Variants in PIK3C3 observed in about 807,000 individuals in gnomAD.
PIK3C3 encodes the protein phosphatidylinositol 3-kinase catalytic subunit type 3, also known as PI3-kinase type 3.
Under a neutral mutation model 126.1 loss-of-function variants are expected in PIK3C3, and 95 were observed. That is an observed-to-expected ratio of 0.75 (90% confidence interval 0.64 to 0.89). The LOEUF is 0.89. Ranked by LOEUF, PIK3C3 falls within the 40% of genes least tolerant of loss-of-function variation. PIK3C3 has a pLI of 0.00. For synonymous variants in PIK3C3, 374 were observed against 360.0 expected, an observed-to-expected ratio of 1.04 and a Z score of -0.44; for missense variants, 829 against 1,063.2, an observed-to-expected ratio of 0.78 and a Z score of 3.06.
At chr18:42,044,371 A>ATT (rs34725564) in intron 20 of PIK3C3, among the ~76,000 whole-genome samples, 38 of 149,618 alleles carry the variant, frequency 2.5e-4, no homozygotes, top group African/African-American at 6.4e-4. Context: ...ATTCTACAGG[A>ATT]TTTTTTTTTT....
At chr18:41,993,583 A>G (rs1389215266) in intron 7 of PIK3C3, among the ~76,000 whole-genome samples, 1 of 152,090 alleles carries the variant, frequency 6.6e-6, no homozygotes, top group East Asian at 1.9e-4. Flanking sequence ...TGAATTGCTG[A>G]AAGAGCTAGG....
chr18:42,045,063 A>C (rs889212842), intron 20 of PIK3C3, among the ~76,000 whole-genome samples: 5 of 152,274 alleles, frequency 3.3e-5, no homozygotes, highest in African/African-American at 1.2e-4. Context: ...TTTATTCGTG[A>C]TGATACATTT....
chr18:42,044,782 A>G (rs181910747), intron 20 of PIK3C3, among the ~76,000 whole-genome samples: 21 of 152,216 alleles, frequency 1.4e-4, no homozygotes, highest in African/African-American at 5.1e-4. Context: ...TTGGTAAAGG[A>G]GTTGACACTA....
At position 42,033,901 on chromosome 18, in the gene PIK3C3, T is replaced by G. The variant is rs764951619; in HGVS notation, c.1783T>G (p.Leu595Val). The G allele has an allele frequency of 1.9e-6, 3 of 1,607,752 alleles. No individual in the cohort carries two copies. The Admixed American group carries it at 5.1e-5, about 27-fold the overall frequency. ...AGATGTGGAACTTATCCCGTTGCCT[T>G]TAGAACCCCAAGTGAAAATTAGAGG... is the stretch of plus-strand genomic sequence containing the variant. ...LSDVELIPLP[L>V]EPQVKIRGII... is the part of the protein sequence containing the mutation. Residue 595 changes from leucine (L) to valine (V), a missense_variant, in exon 16 of 25, where the codon TTA (leucine) becomes GTA (valine). By Grantham distance (32) the Leu-to-Val change is conservative. This residue lies in a region of PIK3C3 where 256 missense variants were observed against 291.0 expected (regional missense o/e 0.88). Coordinates refer to ENST00000262039, the MANE Select transcript of PIK3C3 (RefSeq NM_002647.4).
In PIK3C3 at chr18:41,955,319, A is replaced by G. The variant is rs1979707473; in HGVS notation, c.28A>G (p.Ile10Val). The change falls in exon 1 of 25, where the codon ATC (isoleucine) becomes GTC (valine). Residue 10 changes from isoleucine (I) to valine (V), a missense_variant. Transcript: ENST00000262039. Reference protein sequence around the residue: MGEAEKFHYIYSCDLDINVQ... With the variant: MGEAEKFHYVYSCDLDINVQ... ...GGGGGAAGCAGAGAAGTTTCACTAC[A>G]TCTATAGTTGTGACCTGGATATCAA... 6.2e-7 allele frequency: 1 copy of G among 1,613,690 alleles called. No individual in the cohort carries two copies. Among genetic ancestry groups the G allele is most frequent in the Non-Finnish European group, 8.5e-7 (1 of 1,179,788 alleles).
rs151322458 is a variant in PIK3C3, at chr18:42,085,242, C to A, written c.*4105C>A. The A allele has an allele frequency of 2.0e-5, 3 of 152,098 alleles. No individual in the cohort carries two copies. The highest frequency in any genetic ancestry group is 2.9e-5 in the Non-Finnish European group (2 of 67,980). The allele number at this position is 152,098 out of a possible 1,614,324, so 9.4% of individuals were successfully genotyped here. On this transcript the variant is annotated 3_prime_UTR_variant, in exon 25 of 25. Transcript: ENST00000262039. Reference sequence around the variant, plus strand: ...ATTGCATTTCAACACTAGTTTTTTACTTTTATCTACCCTGAGGGTAGATAA... The same window carrying A: ...ATTGCATTTCAACACTAGTTTTTTAATTTTATCTACCCTGAGGGTAGATAA...
chr18:42,005,221 A>G (rs1982486240), intron 10 of PIK3C3, among the ~76,000 whole-genome samples: 2 of 152,154 alleles, frequency 1.3e-5, no homozygotes, highest in Non-Finnish European at 1.5e-5. Context: ...GGTAAAGCCT[A>G]CTACACACTG....
At chr18:42,000,653 A>T (rs1196316620) in intron 9 of PIK3C3, among the ~76,000 whole-genome samples, 2 of 152,106 alleles carry the variant, frequency 1.3e-5, no homozygotes. Flanking sequence ...AAAGAATTTT[A>T]ATGGACTTAC....
intron 23 of PIK3C3, 36 bp downstream of exon 23, chr18:42,064,866 G>C: frequency 8.8e-7 from 1 of 1,134,086 alleles, no homozygotes; most frequent in African/African-American, 1.5e-5. Flanking sequence ...GAGCTCTTCT[G>C]TATAATTTTT....
Position 42,054,929 on chromosome 18 carries a change from C to CT in PIK3C3, c.2264-2943dup, listed in dbSNP as rs376503442. Among the ~76,000 whole-genome samples the CT allele has an allele frequency of 9.5e-3, 1,385 of 145,946 alleles. 16 individuals are homozygous for CT. The highest frequency in any genetic ancestry group is 0.043 in the East Asian group (215 of 5,038). On this transcript the variant is annotated intron_variant, in intron 21 of 24. Transcript: ENST00000262039. ...TTTACCACCATGAGATGAATAATGC[C>CT]TTTTTTTTTTTAAACTTATGTAGTT...
rs1372784781 is a variant in PIK3C3, at chr18:42,087,087, A to T, written c.*5950A>T. ...CTTTCAGCCCTTTTGAAGTGGGTACATTGTCTGGAGTACATACCCTGGGGT... is the reference window on the plus strand; with the variant it reads ...CTTTCAGCCCTTTTGAAGTGGGTACTTTGTCTGGAGTACATACCCTGGGGT... On this transcript the variant is annotated 3_prime_UTR_variant, in exon 25 of 25. Transcript: ENST00000262039. 1.3e-5 allele frequency: 2 copies of T among 152,132 alleles called. No homozygotes were observed. The highest frequency in any genetic ancestry group is 2.9e-5 in the Non-Finnish European group (2 of 68,056). The allele number at this position is 152,132 out of a possible 1,614,324, so 9.4% of individuals were successfully genotyped here. A position where few individuals can be genotyped will look rare whatever the true frequency, so the allele number is the denominator to read the frequency against.
chr18:42,085,597 T>G lies in PIK3C3; in HGVS notation c.*4460T>G, dbSNP rs1259999458. On this transcript the variant is annotated 3_prime_UTR_variant, in exon 25 of 25. Coordinates refer to ENST00000262039, the MANE Select transcript of PIK3C3 (RefSeq NM_002647.4). ...GCATAGTGTAACTTTGGGATGAATT[T>G]AAAAGAATATTTAAGTCACAGTCAA... 6.6e-6 allele frequency: 1 copy of G among 152,198 alleles called. No individual in the cohort carries two copies. The highest frequency in any genetic ancestry group is 1.5e-5 in the Non-Finnish European group (1 of 68,030). 9.4% of individuals were successfully genotyped at this position (152,198 alleles called of 1,614,324 possible).
Position 42,043,161 on chromosome 18 carries a change from C to T in PIK3C3, c.2104-572C>T, listed in dbSNP as rs144590521. ...GTCGCCAGGCTGGAGTGCAGTGGTG[C>T]GATCTCGGCTCACTGCAACCTGTAC... is the stretch of plus-strand genomic sequence containing the variant. On this transcript the variant is annotated intron_variant, in intron 19 of 24. Transcript: ENST00000262039. Among the ~76,000 whole-genome samples the T allele has an allele frequency of 1.0e-4, 15 of 150,110 alleles. No homozygotes were observed. The East Asian group carries it at 1.8e-3, about 18-fold the overall frequency.
At chr18:42,006,945 G>A (rs576773587) in intron 10 of PIK3C3, among the ~76,000 whole-genome samples, 72 of 141,018 alleles carry the variant, frequency 5.1e-4, no homozygotes, top group Non-Finnish European at 7.8e-4. Flanking sequence ...CTCACTGAAA[G>A]CTCTGCCTCC....
At chr18:42,009,366 C>T (rs762991034) in intron 10 of PIK3C3, among the ~76,000 whole-genome samples, 4 of 151,922 alleles carry the variant, frequency 2.6e-5, no homozygotes, top group Non-Finnish European at 4.4e-5. Flanking sequence ...GCCTAATGAC[C>T]TTTTTAAAAA....
intron 19 of PIK3C3, among the ~76,000 whole-genome samples, chr18:42,043,068 G>C (rs972551533): frequency 6.6e-6 from 1 of 151,622 alleles, no homozygotes; most frequent in Non-Finnish European, 1.5e-5. Context: ...AGAAATACAG[G>C]GTATTCAAAA....
At chr18:41,966,556 G>A (rs1349517979) in intron 3 of PIK3C3, among the ~76,000 whole-genome samples, 1 of 152,012 alleles carries the variant, frequency 6.6e-6, no homozygotes, top group Non-Finnish European at 1.5e-5. Context: ...TGATATCCCT[G>A]TTATACATGG....
At chr18:42,072,218 A>G (rs567003910) in intron 24 of PIK3C3, among the ~76,000 whole-genome samples, 239 of 152,288 alleles carry the variant, frequency 1.6e-3, no homozygotes, top group African/African-American at 5.7e-3. Context: ...CATTCCCATT[A>G]ATCATTGTGG....
At chr18:42,046,248 G>T (rs1325470945) in intron 20 of PIK3C3, among the ~76,000 whole-genome samples, 1 of 151,920 alleles carries the variant, frequency 6.6e-6, no homozygotes, top group Non-Finnish European at 1.5e-5. Flanking sequence ...TTTCTGTATG[G>T]CTTCCTGTAT....
Sources: allele counts gnomAD v4.1 joint callset (sites outside exome capture counted in the v4.1 genomes callset), GRCh38; gene constraint gnomAD v4.1.1; regional missense constraint gnomAD v4.1.1; transcripts MANE v1.5; gene names NCBI Gene and HGNC (gene_info 2026-07-23, HGNC 2026-07-21).